BCAS3: variants seen among roughly 807,000 people sequenced by gnomAD.
BCAS3 encodes BCAS3 microtubule associated cell migration factor, also known as BCAS4/BCAS3 fusion.
BCAS3 carries 53 observed loss-of-function variants against 116.1 expected under a neutral mutation model. The observed-to-expected ratio is 0.46, with a 90% CI of 0.37 to 0.57. BCAS3 has a LOEUF of 0.57. Among genes scored for constraint, BCAS3 ranks in the 20% least tolerant of loss-of-function variants. BCAS3 has a pLI of 0.00. For missense variants in BCAS3, 917 were observed against 1,165.4 expected (o/e 0.79, Z 3.10); for synonymous variants, 391 against 408.2 (o/e 0.96, Z 0.51).
chr17:61,177,743 A>G (rs1273371924), intron 22 of BCAS3, among the ~76,000 whole-genome samples: 1 of 152,212 alleles, frequency 6.6e-6, no homozygotes, highest in Non-Finnish European at 1.5e-5. Context: ...CAAGGATGGA[A>G]GTTTATACCC....
Position 61,211,143 on chromosome 17 carries a change from T to A in BCAS3, c.2425+126579T>A, listed in dbSNP as rs942983796. On this transcript the variant is annotated intron_variant, in intron 22 of 23. Transcript: ENST00000407086. The surrounding 1 kb of genome is among the most constrained non-coding windows in gnomAD (Gnocchi z 4.4). ...TAATGTTTGGAGGCATGCTCAGTTA[T>A]TCAGAAGAAATGGAATGACGTTAAA... 6.6e-6 allele frequency among the ~76,000 whole-genome samples: 1 copy of A among 152,172 alleles called. No homozygotes were observed. Among genetic ancestry groups the A allele is most frequent in the Non-Finnish European group, 1.5e-5 (1 of 68,024 alleles).
chr17:60,868,638 C>G lies in BCAS3; in HGVS notation c.539C>G (p.Ser180Cys). 2 of 1,605,076 alleles carry G rather than the reference C, an allele frequency of 1.2e-6. No homozygotes were observed. Among genetic ancestry groups the G allele is most frequent in the Non-Finnish European group, 1.7e-6 (2 of 1,176,516 alleles). ...YSLRTGEMVK[S>C]IQFKTPIYDL... ...CTTCGTACTGGGGAGATGGTCAAGTCCATTCAATTTAAGACACCTATTTAT... is the reference window on the plus strand; with the variant it reads ...CTTCGTACTGGGGAGATGGTCAAGTGCATTCAATTTAAGACACCTATTTAT... The change falls in exon 8 of 24, where the codon TCC (serine) becomes TGC (cysteine). Residue 180 changes from serine to cysteine, a missense_variant. By Grantham distance (112) the Ser-to-Cys change is moderately radical (BLOSUM62 -1). Around this residue, in one of 3 missense-constraint regions of BCAS3, gnomAD observed 807 missense variants for 1,026.0 expected, o/e 0.79. Coordinates refer to ENST00000407086, the MANE Select transcript of BCAS3 (RefSeq NM_017679.5).
chr17:60,912,491 T>G (rs1027479439), intron 12 of BCAS3, among the ~76,000 whole-genome samples: 1 of 152,124 alleles, frequency 6.6e-6, no homozygotes, highest in Non-Finnish European at 1.5e-5. Context: ...ACAAAAAAAC[T>G]TTGAAATTCT....
At chr17:60,804,584 A>G (rs1238871671) in intron 6 of BCAS3, among the ~76,000 whole-genome samples, 1 of 151,994 alleles carries the variant, frequency 6.6e-6, no homozygotes, top group African/African-American at 2.4e-5. Flanking sequence ...ATCTCATTCC[A>G]TGTTTTTATA....
chr17:60,925,879 A>G (rs1461359736), intron 13 of BCAS3, among the ~76,000 whole-genome samples: 2 of 151,926 alleles, frequency 1.3e-5, no homozygotes, highest in African/African-American at 4.8e-5. Context: ...GAATATTTGC[A>G]TATATAATGA....
chr17:61,338,678 G>T (rs1012171840), intron 22 of BCAS3, among the ~76,000 whole-genome samples: 3 of 152,066 alleles, frequency 2.0e-5, no homozygotes, highest in African/African-American at 7.2e-5. Context: ...CTGTCCCAGG[G>T]GTGGGAGGCT....
chr17:60,728,111 G>A (rs1439910107), intron 5 of BCAS3, among the ~76,000 whole-genome samples: 1 of 151,822 alleles, frequency 6.6e-6, no homozygotes, highest in Non-Finnish European at 1.5e-5. Flanking sequence ...ACCCGGCCTG[G>A]TTTTTGGTGG....
chr17:61,128,769 A>AG lies in BCAS3; in HGVS notation c.2425+44207dup, dbSNP rs1221409028. Among the ~76,000 whole-genome samples the AG allele has an allele frequency of 1.3e-5, 2 of 152,030 alleles. No homozygotes were observed. Among genetic ancestry groups the AG allele is most frequent in the African/African-American group, 4.8e-5 (2 of 41,338 alleles). ...GCTAGCTGGTAGAATTTTTTCCCCC[A>AG]GGAAAAAAAAATCGGCAACTTTTGG... On this transcript the variant is annotated intron_variant, in intron 22 of 23. Transcript: ENST00000407086. The surrounding 1 kb of genome is among the most constrained non-coding windows in gnomAD (Gnocchi z 4.1).
intron 22 of BCAS3, among the ~76,000 whole-genome samples, chr17:61,157,816 G>A (rs1298146690): frequency 1.3e-5 from 2 of 152,122 alleles, no homozygotes; most frequent in East Asian, 3.9e-4. Context: ...CCTTGGTGCA[G>A]GAAGACCTTG....
At chr17:60,678,070 C>A (rs893942848) in intron 1 of BCAS3, among the ~76,000 whole-genome samples, 156 bp downstream of exon 1, 1 of 152,052 alleles carries the variant, frequency 6.6e-6, no homozygotes, top group Non-Finnish European at 1.5e-5. Context: ...GGAGGGCGGC[C>A]GGGGGCAGCG....
rs2080684675 is a variant in BCAS3, at chr17:61,199,347, A to G, written c.2425+114783A>G. On this transcript the variant is annotated intron_variant, in intron 22 of 23. Coordinates refer to ENST00000407086, the MANE Select transcript of BCAS3 (RefSeq NM_017679.5). The surrounding 1 kb of genome is among the most constrained non-coding windows in gnomAD (Gnocchi z 4.6). ...AGCTACAACTGCTTCCCTGTCAAAC[A>G]TTAGAAAAACACAGGTGGGCACCTA... 6.6e-6 allele frequency among the ~76,000 whole-genome samples: 1 copy of G among 152,178 alleles called. No homozygotes were observed. The highest frequency in any genetic ancestry group is 2.4e-5 in the African/African-American group (1 of 41,438).
rs1376636048 is a variant in BCAS3, at chr17:60,769,830, A to G, written c.403+22551A>G. 2.0e-5 allele frequency among the ~76,000 whole-genome samples: 3 copies of G among 151,572 alleles called. 1 individual carries two copies. The highest frequency in any genetic ancestry group is 4.4e-5 in the Non-Finnish European group (3 of 67,934). On this transcript the variant is annotated intron_variant, in intron 6 of 23. Coordinates refer to ENST00000407086, the MANE Select transcript of BCAS3 (RefSeq NM_017679.5). ...CACCCTTTCGCCCAGGCTGGAGTGC[A>G]GTGGTGTGATCTCCGCTCACTGCAA...
Position 61,222,301 on chromosome 17 carries a change from T to A in BCAS3, c.2425+137737T>A, listed in dbSNP as rs1272870700. 2.0e-5 allele frequency among the ~76,000 whole-genome samples: 3 copies of A among 152,174 alleles called. No individual in the cohort carries two copies. Among genetic ancestry groups the A allele is most frequent in the African/African-American group, 7.2e-5 (3 of 41,440 alleles). ...AGACTTCAATTTTGAAAACCTCTGT[T>A]CTCTTTTACAGTCGAAAAGCAAGAA... On this transcript the variant is annotated intron_variant, in intron 22 of 23. Coordinates refer to ENST00000407086, the MANE Select transcript of BCAS3 (RefSeq NM_017679.5). This position sits in a 1 kb window ranked among gnomAD's most constrained non-coding sequence, Gnocchi z 6.1.
In BCAS3 at chr17:61,300,226, A is replaced by G. The variant is rs955757112; in HGVS notation, c.2426-68101A>G. ...CTATGAGAAAGATGTCACTTGCCAC[A>G]TACAGTCCCAGTTGGTTTCACTGTC... On this transcript the variant is annotated intron_variant, in intron 22 of 23. Transcript: ENST00000407086. The surrounding 1 kb of genome is among the most constrained non-coding windows in gnomAD (Gnocchi z 5.1). 6.6e-6 allele frequency among the ~76,000 whole-genome samples: 1 copy of G among 152,222 alleles called. No individual in the cohort carries two copies. Among genetic ancestry groups the G allele is most frequent in the African/African-American group, 2.4e-5 (1 of 41,464 alleles).
At chr17:60,978,578 A>G (rs937738392) in intron 14 of BCAS3, among the ~76,000 whole-genome samples, 15 of 151,652 alleles carry the variant, frequency 9.9e-5, no homozygotes, top group Admixed American at 7.9e-4. Context: ...GTCCTTGCCC[A>G]TGCCTATGTC....
At chr17:61,102,871 T>C (rs944842675) in intron 22 of BCAS3, among the ~76,000 whole-genome samples, 4 of 152,156 alleles carry the variant, frequency 2.6e-5, no homozygotes, top group African/African-American at 9.7e-5. Context: ...TTCCGTAAAA[T>C]ATTTCCTTTC....
At chr17:61,253,416 A>G (rs2048522801) in intron 22 of BCAS3, among the ~76,000 whole-genome samples, 1 of 151,764 alleles carries the variant, frequency 6.6e-6, no homozygotes, top group Admixed American at 6.6e-5. Flanking sequence ...TAGAATAAAC[A>G]TGTGTAACAT....
At chr17:60,750,521 T>C (rs1364764593) in intron 6 of BCAS3, among the ~76,000 whole-genome samples, 1 of 152,128 alleles carries the variant, frequency 6.6e-6, no homozygotes, top group Non-Finnish European at 1.5e-5. Context: ...AAGAAGGATA[T>C]GAAAGTGTCG....
At chr17:61,121,592 G>A (rs989354588) in intron 22 of BCAS3, among the ~76,000 whole-genome samples, 2 of 152,166 alleles carry the variant, frequency 1.3e-5, no homozygotes, top group Non-Finnish European at 2.9e-5. Flanking sequence ...TGGATGACAC[G>A]AAGGAAACAG....
Sources: gnomAD v4.1 joint callset for allele counts (sites outside exome capture counted in the v4.1 genomes callset) on GRCh38, gnomAD v4.1.1 for gene constraint, gnomAD v4.1.1 regional missense constraint, Gnocchi (gnomAD v3.1) non-coding constraint, MANE v1.5 for transcripts, NCBI Gene and HGNC (gene_info 2026-07-23, HGNC 2026-07-21) for gene names.